Variants in TTC28 observed in about 807,000 individuals in gnomAD.
TTC28 encodes tetratricopeptide repeat protein 28.
Under a neutral mutation model 198.0 loss-of-function variants are expected in TTC28, and 61 were observed. That is an observed-to-expected ratio of 0.31 (90% CI 0.25 to 0.38). The LOEUF (loss-of-function observed/expected upper bound fraction) is 0.38. Ranked by LOEUF, TTC28 falls within the 10% of genes least tolerant of loss-of-function variation. TTC28 has a pLI of 1.00. For missense variants in TTC28, 2,678 were observed against 3,164.0 expected (o/e 0.85, Z 3.69); for synonymous variants, 1,171 against 1,297.8 (o/e 0.90, Z 2.10).
chr22:28,498,581 G>T (rs1447467060), intron 2 of TTC28, among the ~76,000 whole-genome samples: 1 of 151,998 alleles, frequency 6.6e-6, no homozygotes, highest in African/African-American at 2.4e-5. Context: ...CACCGAAAGG[G>T]GCTCCCTTGG....
intron 2 of TTC28, among the ~76,000 whole-genome samples, chr22:28,330,292 G>A (rs997564372): frequency 1.4e-4 from 21 of 152,012 alleles, no homozygotes; most frequent in Admixed American, 5.2e-4. Flanking sequence ...GCACAACCAC[G>A]AAATACAACT....
chr22:28,431,991 A>T (rs1185651402), intron 2 of TTC28, among the ~76,000 whole-genome samples: 5 of 150,770 alleles, frequency 3.3e-5, no homozygotes, highest in African/African-American at 4.9e-5. Flanking sequence ...ATAAAATAAA[A>T]TAAAATAAAA....
At chr22:28,068,601 T>C (rs1350003411) in intron 12 of TTC28, among the ~76,000 whole-genome samples, 1 of 152,170 alleles carries the variant, frequency 6.6e-6, no homozygotes, top group African/African-American at 2.4e-5. Context: ...AAGTCAAATA[T>C]GCAACAGATC....
intron 5 of TTC28, among the ~76,000 whole-genome samples, chr22:28,203,572 T>C (rs1164521502): frequency 6.6e-6 from 1 of 152,148 alleles, no homozygotes; most frequent in Admixed American, 6.6e-5. Context: ...GCTTGGCTTT[T>C]TTATTTTCAT....
chr22:28,536,454 C>G (rs1306253830), intron 2 of TTC28, among the ~76,000 whole-genome samples: 2 of 151,812 alleles, frequency 1.3e-5, no homozygotes, highest in Non-Finnish European at 2.9e-5. Flanking sequence ...GAAACCCCGT[C>G]TCTACTAAAA....
At chr22:28,071,748 GA>G (rs371615737) in intron 12 of TTC28, among the ~76,000 whole-genome samples, 6,966 of 91,068 alleles carry the variant, frequency 0.076, 150 homozygotes, top group African/African-American at 0.11. Context: ...AAAAAAAAAG[GA>G]AAAAAAAAAA....
At chr22:28,285,385 A>G (rs1175069729) in intron 5 of TTC28, among the ~76,000 whole-genome samples, 5 of 152,234 alleles carry the variant, frequency 3.3e-5, no homozygotes, top group African/African-American at 1.2e-4. Context: ...GAGAGAGTAG[A>G]ACAGTGGTTG....
intron 2 of TTC28, among the ~76,000 whole-genome samples, chr22:28,492,344 G>C (rs541869178): frequency 1.3e-5 from 2 of 152,232 alleles, no homozygotes; most frequent in East Asian, 3.9e-4. Context: ...TCTGAAGAAA[G>C]TGAAATCAAG....
chr22:28,558,211 A>G (rs2049814519), intron 2 of TTC28, among the ~76,000 whole-genome samples: 1 of 152,250 alleles, frequency 6.6e-6, no homozygotes, highest in Admixed American at 6.5e-5. Flanking sequence ...TACTTGATAA[A>G]TAATTCCAGA....
At chr22:28,635,409 A>AT (rs1339607413) in intron 1 of TTC28, among the ~76,000 whole-genome samples, 1 of 152,188 alleles carries the variant, frequency 6.6e-6, no homozygotes, top group Non-Finnish European at 1.5e-5. Flanking sequence ...ATTTACTTAG[A>AT]TTAACCATTA....
At chr22:28,367,346 CAATGAAGA>C (rs2145979419) in intron 2 of TTC28, among the ~76,000 whole-genome samples, 1 of 151,840 alleles carries the variant, frequency 6.6e-6, no homozygotes, top group African/African-American at 2.4e-5. Flanking sequence ...ACCAATGGGT[CAATGAAGA>C]AATGAAGAAG....
At chr22:28,556,253 G>T (rs1273366451) in intron 2 of TTC28, among the ~76,000 whole-genome samples, 2 of 152,056 alleles carry the variant, frequency 1.3e-5, no homozygotes, top group South Asian at 2.1e-4. Context: ...AGCTACTCAG[G>T]GGGGCTGAGG....
At chr22:28,325,462 A>T (rs2045514078) in intron 2 of TTC28, among the ~76,000 whole-genome samples, 1 of 152,146 alleles carries the variant, frequency 6.6e-6, no homozygotes, top group Admixed American at 6.6e-5. Flanking sequence ...ACACTGAAAC[A>T]CAGTCCATAA....
chr22:28,300,636 G>C (rs181182289), intron 3 of TTC28, among the ~76,000 whole-genome samples: 2 of 152,260 alleles, frequency 1.3e-5, no homozygotes, highest in African/African-American at 2.4e-5. Context: ...TTTGGAAAAG[G>C]GAGGGATTAT....
Position 28,658,587 on chromosome 22 carries a change from AAG to A in TTC28, c.102+21033_102+21034del, listed in dbSNP as rs1464767826. 2.6e-5 allele frequency among the ~76,000 whole-genome samples: 4 copies of A among 152,332 alleles called. No homozygotes were observed. In the East Asian group the frequency reaches 7.7e-4, roughly 29 times the overall value. Reference sequence around the variant, plus strand: ...GATAGAGTTTCACTTTTACAAGATGAAGAGTTATAGAGATGGATAATGGTGAT... The same window carrying A: ...GATAGAGTTTCACTTTTACAAGATGAAGTTATAGAGATGGATAATGGTGAT... On this transcript the variant is annotated intron_variant, in intron 1 of 22. Coordinates refer to ENST00000397906, the MANE Select transcript of TTC28 (RefSeq NM_001145418.2).
chr22:28,306,405 T>C, intron 3 of TTC28, 91 bp downstream of exon 3: 1 of 1,398,648 alleles, frequency 7.1e-7, no homozygotes, highest in East Asian at 2.5e-5. Flanking sequence ...TGATAACCTA[T>C]CAATTCTCTG....
chr22:28,634,776 G>A (rs907861984), intron 1 of TTC28, among the ~76,000 whole-genome samples: 7 of 151,422 alleles, frequency 4.6e-5, no homozygotes, highest in Admixed American at 2.6e-4. Context: ...GTAGAGATAC[G>A]GTTTTGCCAT....
At chr22:28,395,112 T>C (rs553479712) in intron 2 of TTC28, among the ~76,000 whole-genome samples, 1 of 152,360 alleles carries the variant, frequency 6.6e-6, no homozygotes, top group South Asian at 2.1e-4. Flanking sequence ...AAGTACATTG[T>C]ACTGTATGTC....
intron 2 of TTC28, among the ~76,000 whole-genome samples, chr22:28,588,015 G>A (rs1015023554): frequency 1.5e-4 from 23 of 151,720 alleles, no homozygotes; most frequent in African/African-American, 3.9e-4. Flanking sequence ...GGTGGCAGGC[G>A]CCTGTAGTCC....
Sources: allele counts gnomAD v4.1 joint callset (sites outside exome capture counted in the v4.1 genomes callset), GRCh38; gene constraint gnomAD v4.1.1; transcripts MANE v1.5; gene names NCBI Gene and HGNC (gene_info 2026-07-23, HGNC 2026-07-21).